TAS2R20: variants seen among roughly 807,000 people sequenced by gnomAD.
TAS2R20 encodes taste 2 receptor member 20, also known as taste receptor type 2 member 20.
For synonymous variants in TAS2R20, 136 were observed against 127.1 expected (o/e 1.07, Z -0.47); for missense variants, 364 against 352.2 (o/e 1.03, Z -0.27).
chr12:10,997,112 C>G lies in TAS2R20; in HGVS notation c.764G>C (p.Arg255Pro). The change falls in exon 1 of 1, where the codon CGA (arginine) becomes CCA (proline). Residue 255 changes from arginine to proline, a missense_variant. Transcript: ENST00000538986. ...LIISFWNFKM[R>P]PKEIVLMLCQ... ...AAGCATTAAGACAATTTCTTTTGGT[C>G]GCATCTTAAAATTCCAAAACGATAT... 1 of 1,613,524 alleles carries G rather than the reference C, an allele frequency of 6.2e-7. No homozygotes were observed. The highest frequency in any genetic ancestry group is 8.5e-7 in the Non-Finnish European group (1 of 1,179,808).
Position 10,996,038 on chromosome 12 carries a change from A to T in TAS2R20, c.*908T>A, listed in dbSNP as rs1185001579. Among the ~76,000 whole-genome samples, 2 of 152,036 alleles carry T rather than the reference A, an allele frequency of 1.3e-5. No homozygotes were observed. Among genetic ancestry groups the T allele is most frequent in the Admixed American group, 6.6e-5 (1 of 15,232 alleles). On this transcript the variant is annotated 3_prime_UTR_variant, in exon 1 of 1. Transcript: ENST00000538986. The stretch of plus-strand genomic sequence containing the variant: ...ATTTGCTTTATATTAAACATAAAAT[A>T]AGAATTCATCATGAATGTCTATAAT...
rs936949901 is a variant in TAS2R20, at chr12:10,996,834, T to C, written c.*112A>G. 4.1e-6 allele frequency: 4 copies of C among 987,450 alleles called. No homozygotes were observed. Among genetic ancestry groups the C allele is most frequent in the Admixed American group, 3.1e-5 (1 of 32,210 alleles). The allele number at this position is 987,450 out of a possible 1,614,324, so 61.2% of individuals were successfully genotyped here. The stretch of plus-strand genomic sequence containing the variant: ...TAAAAGACTTTTCTATGTCAACTTT[T>C]GGAAATTACTCAAATACATAGACTA... On this transcript the variant is annotated 3_prime_UTR_variant, in exon 1 of 1. Transcript: ENST00000538986.
In TAS2R20 at chr12:10,997,044, T is replaced by C. The variant is rs1940289384; in HGVS notation, c.832A>G (p.Ile278Val). The stretch of plus-strand genomic sequence containing the variant: ...AGCGTCTTGTTCCCCCAAATCAGAA[T>C]GAATGAGTGGAATGATGGATATATG... ...GIIYPSFHSF[I>V]LIWGNKTLKQ... Residue 278 changes from isoleucine to valine, a missense_variant, in exon 1 of 1, where the codon ATT (isoleucine) becomes GTT (valine). Physicochemically the swap from Ile to Val is conservative, Grantham distance 29 (BLOSUM62 3). Coordinates refer to ENST00000538986, the MANE Select transcript of TAS2R20 (RefSeq NM_176889.4). The C allele has an allele frequency of 6.2e-7, 1 of 1,614,010 alleles. No homozygotes were observed. Among genetic ancestry groups the C allele is most frequent in the Non-Finnish European group, 8.5e-7 (1 of 1,179,952 alleles).
chr12:10,996,879 T>A lies in TAS2R20; in HGVS notation c.*67A>T. 6.9e-7 allele frequency: 1 copy of A among 1,443,656 alleles called. No homozygotes were observed. The highest frequency in any genetic ancestry group is 9.3e-7 in the Non-Finnish European group (1 of 1,080,198). The allele number at this position is 1,443,656 out of a possible 1,614,324, so 89.4% of individuals were successfully genotyped here. The stretch of plus-strand genomic sequence containing the variant: ...AGACTACGGAAAAACTTGTGGGAAA[T>A]ATAAAATGTTCCAGACACCATCAAT... On this transcript the variant is annotated 3_prime_UTR_variant, in exon 1 of 1. Transcript: ENST00000538986.
Position 10,996,764 on chromosome 12 carries a change from G to A in TAS2R20, c.*182C>T, listed in dbSNP as rs765449138. 7.6e-6 allele frequency: 3 copies of A among 395,808 alleles called. No homozygotes were observed. Among genetic ancestry groups the A allele is most frequent in the South Asian group, 2.3e-4 (2 of 8,698 alleles). 24.5% of individuals were successfully genotyped at this position (395,808 alleles called of 1,614,324 possible). ...TATACATTCAGACATACACACACACGCAAATGTATATTATATATATATACT... is the reference window on the plus strand; with the variant it reads ...TATACATTCAGACATACACACACACACAAATGTATATTATATATATATACT... On this transcript the variant is annotated 3_prime_UTR_variant, in exon 1 of 1. Transcript: ENST00000538986.
In TAS2R20 at chr12:10,997,012, C is replaced by G. The variant is rs751204938; in HGVS notation, c.864G>C (p.Gln288His). ...CCTGCCACAAAACTGAAAGAAAGGT[C>G]TGCTTTAGCGTCTTGTTCCCCCAAA... ...ILIWGNKTLK[Q>H]TFLSVLWQVT... Residue 288 changes from glutamine (Q) to histidine (H), a missense_variant, in exon 1 of 1, where the codon CAG becomes CAC. Coordinates refer to ENST00000538986, the MANE Select transcript of TAS2R20 (RefSeq NM_176889.4). 1 of 1,613,884 alleles carries G rather than the reference C, an allele frequency of 6.2e-7. No homozygotes were observed. Among genetic ancestry groups the G allele is most frequent in the South Asian group, 1.1e-5 (1 of 91,038 alleles).
rs542692465 is a variant in TAS2R20, at chr12:10,996,079, G to A, written c.*867C>T. On this transcript the variant is annotated 3_prime_UTR_variant, in exon 1 of 1. Coordinates refer to ENST00000538986, the MANE Select transcript of TAS2R20 (RefSeq NM_176889.4). ...TGTCTATAATCCCAGCACTTTGGGA[G>A]GCTGAGGCAGTGGATCACTTGAGGT... 6.6e-6 allele frequency among the ~76,000 whole-genome samples: 1 copy of A among 151,794 alleles called. No homozygotes were observed. The highest frequency in any genetic ancestry group is 1.5e-5 in the Non-Finnish European group (1 of 67,950).
At chr12:10,996,992 C>T in the TAS2R20 span, 1 of 1,613,680 alleles carries the variant, frequency 6.2e-7, no homozygotes, top group Non-Finnish European at 8.5e-7. Flanking sequence ...AGTCACCTGC[C>T]ACAAAACTGA....
At position 10,997,583 on chromosome 12, in the gene TAS2R20, A is replaced by G; in HGVS notation, c.293T>C (p.Leu98Pro). Residue 98 changes from leucine (L) to proline (P), a missense_variant, in exon 1 of 1, where the codon CTT becomes CCT. Physicochemically the swap from Leu to Pro is moderately conservative, Grantham distance 98. Transcript: ENST00000538986. ...ATAAAATATGCTGAGGCTAGTAGCA[A>G]GCCAGATGCTGAAATGATTGGTTAC... ...WAVTNHFSIWLATSLSIFYLL... is the reference protein window; with the variant it reads ...WAVTNHFSIWPATSLSIFYLL... 1.2e-6 allele frequency: 2 copies of G among 1,614,128 alleles called. No homozygotes were observed. The highest frequency in any genetic ancestry group is 1.7e-6 in the Non-Finnish European group (2 of 1,179,986).
rs1191910264 is a variant in TAS2R20, at chr12:10,997,171, G to A, written c.705C>T (p.Leu235=). ...ACAGAAAGTAAATGGCAAGTAATAT[G>A]AGGAAGGAGGTCACAGTTTGCAGAG... is the stretch of plus-strand genomic sequence containing the variant. ...IKALQTVTSF[L]ILLAIYFLCL... The change falls in exon 1 of 1, where the codon CTC becomes CTT. Residue 235 remains leucine, a synonymous_variant. Coordinates refer to ENST00000538986, the MANE Select transcript of TAS2R20 (RefSeq NM_176889.4). 5 of 1,614,074 alleles carry A rather than the reference G, an allele frequency of 3.1e-6. No homozygotes were observed. Among genetic ancestry groups the A allele is most frequent in the Admixed American group, 3.3e-5 (2 of 59,996 alleles).
rs951307710 is a variant in TAS2R20 at position 10,998,053 on chromosome 12, G to C, written c.-178C>G. ...AAAGCACCAGCTTAAACTAATGAAT[G>C]AGTTCAATGCTGCCTTTATGGGAAA... On this transcript the variant is annotated 5_prime_UTR_variant, in exon 1 of 1. Coordinates refer to ENST00000538986, the MANE Select transcript of TAS2R20 (RefSeq NM_176889.4). Among the ~76,000 whole-genome samples, 3 of 152,154 alleles carry C rather than the reference G, an allele frequency of 2.0e-5. No homozygotes were observed. Among genetic ancestry groups the C allele is most frequent in the Admixed American group, 6.6e-5 (1 of 15,258 alleles).
rs535112635 is a variant in TAS2R20, at chr12:10,998,158, C to T, written c.-283G>A. On this transcript the variant is annotated 5_prime_UTR_variant, in exon 1 of 1. Transcript: ENST00000538986. ...TTGCTATAGGCTGAAATTTTTCATA[C>T]TGATGTTGAAGGGAAAGCTGAATTC... Among the ~76,000 whole-genome samples, 1 of 152,116 alleles carries T rather than the reference C, an allele frequency of 6.6e-6. No individual in the cohort carries two copies. The highest frequency in any genetic ancestry group is 1.5e-5 in the Non-Finnish European group (1 of 68,024).
At position 10,997,062 on chromosome 12, in the gene TAS2R20, G is replaced by T; in HGVS notation, c.814C>A (p.Pro272Thr). 6.2e-7 allele frequency: 1 copy of T among 1,613,998 alleles called. No homozygotes were observed. The highest frequency in any genetic ancestry group is 8.5e-7 in the Non-Finnish European group (1 of 1,179,940). Residue 272 changes from proline (P) to threonine (T), a missense_variant, in exon 1 of 1, where the codon CCA becomes ACA. By Grantham distance (38) the Pro-to-Thr change is conservative (BLOSUM62 -1). Coordinates refer to ENST00000538986, the MANE Select transcript of TAS2R20 (RefSeq NM_176889.4). The part of the protein sequence containing the change: ...MLCQAFGIIY[P>T]SFHSFILIWG... ...ATCAGAATGAATGAGTGGAATGATG[G>T]ATATATGATTCCAAAAGCTTGGCAA...
In TAS2R20 at chr12:10,996,676, A is replaced by G. The variant is rs1301763301; in HGVS notation, c.*270T>C. 1 of 255,028 alleles carries G rather than the reference A, an allele frequency of 3.9e-6. No individual in the cohort carries two copies. The highest frequency in any genetic ancestry group is 7.2e-6 in the Non-Finnish European group (1 of 139,186). 15.8% of individuals were successfully genotyped at this position (255,028 alleles called of 1,614,324 possible). Reference sequence around the variant, plus strand: ...GAGAAATTTCTTATCCTACTTTGGTATAACTGAACAGTTTATATGAAAAGT... The same window carrying G: ...GAGAAATTTCTTATCCTACTTTGGTGTAACTGAACAGTTTATATGAAAAGT... On this transcript the variant is annotated 3_prime_UTR_variant, in exon 1 of 1. Transcript: ENST00000538986.
At position 10,997,330 on chromosome 12, in the gene TAS2R20, T is replaced by C; in HGVS notation, c.546A>G (p.Leu182=). ...TCAGAGTGAATGGTATCAAGTTTGCTAGCATGGCTACAGTCAAGTTGGAAA... is the reference window on the plus strand; with the variant it reads ...TCAGAGTGAATGGTATCAAGTTTGCCAGCATGGCTACAGTCAAGTTGGAAA... ...MHLSNLTVAM[L]ANLIPFTLTL... is the part of the protein sequence containing the mutation. Residue 182 remains leucine, a synonymous_variant, in exon 1 of 1, where the codon CTA becomes CTG. Coordinates refer to ENST00000538986, the MANE Select transcript of TAS2R20 (RefSeq NM_176889.4). 1 of 1,614,104 alleles carries C rather than the reference T, an allele frequency of 6.2e-7. No individual in the cohort carries two copies. Among genetic ancestry groups the C allele is most frequent in the Non-Finnish European group, 8.5e-7 (1 of 1,180,000 alleles).
chr12:10,997,304 G>A lies in TAS2R20; in HGVS notation c.572C>T (p.Thr191Ile), dbSNP rs144156998. Reference sequence around the variant, plus strand: ...GATTAACAGCAGAAAAGATATCAGGGTCAGAGTGAATGGTATCAAGTTTGC... The same window carrying A: ...GATTAACAGCAGAAAAGATATCAGGATCAGAGTGAATGGTATCAAGTTTGC... ...MLANLIPFTLTLISFLLLIYS... is the reference protein window; with the variant it reads ...MLANLIPFTLILISFLLLIYS... Residue 191 changes from threonine (T) to isoleucine (I), a missense_variant, in exon 1 of 1, where the codon ACC becomes ATC. By Grantham distance (89) the Thr-to-Ile change is moderately conservative. Transcript: ENST00000538986. The A allele has an allele frequency of 1.2e-5, 20 of 1,613,978 alleles. No homozygotes were observed. The highest frequency in any genetic ancestry group is 1.7e-5 in the Non-Finnish European group (20 of 1,180,014).
the TAS2R20 span, chr12:10,997,610 GCCCAGGCATT>G: frequency 6.2e-7 from 1 of 1,613,980 alleles, no homozygotes; most frequent in Non-Finnish European, 8.5e-7. Context: ...ATTGGTTACT[GCCCAGGCATT>G]AGAAATAAAA....
rs771620307 is a variant in TAS2R20, at chr12:10,996,989, T to C, written c.887A>G (p.Gln296Arg). The C allele has an allele frequency of 3.1e-6, 5 of 1,613,558 alleles. No homozygotes were observed. Among genetic ancestry groups the C allele is most frequent in the African/African-American group, 2.7e-5 (2 of 74,908 alleles). ...CTGTCCTTTTGCCCAGCAAGTCACC[T>C]GCCACAAAACTGAAAGAAAGGTCTG... ...LKQTFLSVLW[Q>R]VTCWAKGQNQ... is the part of the protein sequence containing the mutation. Residue 296 changes from glutamine (Q) to arginine (R), a missense_variant, in exon 1 of 1, where the codon CAG becomes CGG. By Grantham distance (43) the Gln-to-Arg change is conservative. Transcript: ENST00000538986.
In TAS2R20 at chr12:10,997,476, A is replaced by G. The variant is rs139030764; in HGVS notation, c.400T>C (p.Leu134=). The G allele has an allele frequency of 1.5e-5, 24 of 1,613,898 alleles. No homozygotes were observed. Among genetic ancestry groups the G allele is most frequent in the Middle Eastern group, 1.7e-4 (1 of 6,060 alleles). The change falls in exon 1 of 1, where the codon TTG becomes CTG. Residue 134 remains leucine (L), a synonymous_variant. Transcript: ENST00000538986. The part of the protein sequence containing the change: ...KAKSVVLVIV[L]GSLFFLVCHL... The stretch of plus-strand genomic sequence containing the variant: ...CAAACCAAAAAGAACAAAGACCCCA[A>G]CACTATCACCAGAACTACACTCTTA...
Sources: gnomAD v4.1 joint callset for allele counts (sites outside exome capture counted in the v4.1 genomes callset) on GRCh38, gnomAD v4.1.1 for gene constraint, MANE v1.5 for transcripts, NCBI Gene and HGNC (gene_info 2026-07-23, HGNC 2026-07-21) for gene names.